The following MED27 variants were observed in gnomAD, a reference collection of about 807,000 sequenced individuals.
MED27 encodes mediator of RNA polymerase II transcription subunit 27.
Under a neutral mutation model 38.2 loss-of-function variants are expected in MED27, and 30 were observed. The ratio of observed to expected loss-of-function variants is 0.79; its 90% CI spans 0.59 to 1.07. The LOEUF (loss-of-function observed/expected upper bound fraction) is 1.07, where lower values mean the gene tolerates loss of function less well. Ranked by LOEUF, MED27 falls within the 50% of genes least tolerant of loss-of-function variation. MED27 has a pLI of 0.00. For missense variants in MED27, 289 were observed against 397.5 expected, an observed-to-expected ratio of 0.73 and a Z score of 2.32; for synonymous variants, 122 against 153.5, an observed-to-expected ratio of 0.79 and a Z score of 1.52.
At chr9:132,053,316 G>A (rs1359859075) in intron 2 of MED27, among the ~76,000 whole-genome samples, 2 of 151,962 alleles carry the variant, frequency 1.3e-5, no homozygotes, top group Admixed American at 1.3e-4. Flanking sequence ...GCTGGCTGCT[G>A]AGAAAACATG....
intron 3 of MED27, among the ~76,000 whole-genome samples, chr9:132,011,380 T>A (rs1034833839): frequency 2.0e-5 from 3 of 152,208 alleles, no homozygotes; most frequent in Non-Finnish European, 2.9e-5. Context: ...AAATCTACAT[T>A]ATGTATATAC....
intron 3 of MED27, among the ~76,000 whole-genome samples, chr9:131,994,769 C>T (rs568808441): frequency 1.1e-4 from 16 of 152,208 alleles, no homozygotes; most frequent in Non-Finnish European, 2.2e-4. Flanking sequence ...GGCAAGTTCT[C>T]TTGCCCTTTG....
chr9:131,875,192 G>A (rs192008245), intron 6 of MED27, among the ~76,000 whole-genome samples: 2 of 152,328 alleles, frequency 1.3e-5, no homozygotes, highest in East Asian at 3.9e-4. Flanking sequence ...CCTGGACCCA[G>A]GATCCTGCCT....
At chr9:132,069,100 T>C (rs905323531) in intron 2 of MED27, among the ~76,000 whole-genome samples, 9 of 152,196 alleles carry the variant, frequency 5.9e-5, no homozygotes, top group African/African-American at 2.2e-4. Context: ...ATGCCCTTCA[T>C]AGGCTCTGGT....
At chr9:132,076,920 G>A (rs1323156923) in intron 2 of MED27, among the ~76,000 whole-genome samples, 2 of 152,182 alleles carry the variant, frequency 1.3e-5, no homozygotes, top group Non-Finnish European at 2.9e-5. Flanking sequence ...AAACTCTACA[G>A]AGCATGTTAA....
rs984136781 is a variant in MED27, at chr9:131,951,321, A to G, written c.480-11847T>C. On this transcript the variant is annotated intron_variant, in intron 3 of 7. Coordinates refer to ENST00000292035, the MANE Select transcript of MED27 (RefSeq NM_004269.4). Reference sequence around the variant, plus strand: ...TCTATCTCACACATGTGGGGGAATGACTGTTTATTTGTTTACCTTGCCCAC... The same window carrying G: ...TCTATCTCACACATGTGGGGGAATGGCTGTTTATTTGTTTACCTTGCCCAC... Among the ~76,000 whole-genome samples the G allele has an allele frequency of 2.6e-5, 4 of 152,166 alleles. No individual in the cohort carries two copies. In the East Asian group the frequency reaches 7.7e-4, roughly 29 times the overall value.
At chr9:131,947,947 C>T (rs575079634) in intron 3 of MED27, among the ~76,000 whole-genome samples, 63 of 152,334 alleles carry the variant, frequency 4.1e-4, no homozygotes, top group African/African-American at 1.4e-3. Flanking sequence ...AGATTTTCCT[C>T]TACACCTGTC....
chr9:131,910,189 T>C lies in MED27; in HGVS notation c.574-16197A>G, dbSNP rs191339523. On this transcript the variant is annotated intron_variant, in intron 4 of 7. Coordinates refer to ENST00000292035, the MANE Select transcript of MED27 (RefSeq NM_004269.4). The stretch of plus-strand genomic sequence containing the variant: ...ACTTCCTTCTCAGATTTACCACCTC[T>C]ACCCCTATATTTTACTCCTGATTAA... Among the ~76,000 whole-genome samples the C allele has an allele frequency of 3.3e-5, 5 of 152,356 alleles. No homozygotes were observed. In the East Asian group the frequency reaches 7.7e-4, roughly 23 times the overall value.
chr9:131,893,361 G>A (rs1265206232), intron 5 of MED27, among the ~76,000 whole-genome samples: 1 of 152,190 alleles, frequency 6.6e-6, no homozygotes, highest in Non-Finnish European at 1.5e-5. Flanking sequence ...GGGTTCACAA[G>A]GGTGAACTTT....
chr9:132,047,445 C>CAA (rs972795702), intron 2 of MED27, among the ~76,000 whole-genome samples: 3 of 144,078 alleles, frequency 2.1e-5, no homozygotes, highest in African/African-American at 7.7e-5. Flanking sequence ...GTTTTAGACA[C>CAA]ACACACACAC....
chr9:132,043,376 T>C (rs766977597), intron 2 of MED27, among the ~76,000 whole-genome samples: 12 of 149,552 alleles, frequency 8.0e-5, no homozygotes, highest in Admixed American at 4.0e-4. Flanking sequence ...CAAAATTCAG[T>C]TAGGTGGGGT....
intron 3 of MED27, among the ~76,000 whole-genome samples, chr9:131,969,729 C>T (rs1831434331): frequency 6.6e-6 from 1 of 152,074 alleles, no homozygotes; most frequent in African/African-American, 2.4e-5. Flanking sequence ...GAGAGGGCAG[C>T]GCATGAGAGT....
chr9:131,881,912 C>G (rs376587777), intron 6 of MED27, among the ~76,000 whole-genome samples: 1 of 151,174 alleles, frequency 6.6e-6, no homozygotes, highest in Admixed American at 6.6e-5. Context: ...CCCGCCACCA[C>G]GCCTGGCTGA....
At chr9:132,031,500 G>A (rs1832959518) in intron 2 of MED27, among the ~76,000 whole-genome samples, 2 of 152,256 alleles carry the variant, frequency 1.3e-5, no homozygotes, top group South Asian at 4.2e-4. Context: ...AAGTATCCAA[G>A]GAAAGAGCTA....
chr9:131,950,322 C>T (rs1019488434), intron 3 of MED27, among the ~76,000 whole-genome samples: 2 of 152,166 alleles, frequency 1.3e-5, no homozygotes, highest in Non-Finnish European at 2.9e-5. Context: ...AGCAAAGCAA[C>T]CTGTGGGCGG....
chr9:131,940,529 C>G (rs1006007457), intron 3 of MED27, among the ~76,000 whole-genome samples: 1 of 152,120 alleles, frequency 6.6e-6, no homozygotes, highest in Non-Finnish European at 1.5e-5. Context: ...GATTCTCATG[C>G]CTCAGCCTCC....
intron 2 of MED27, among the ~76,000 whole-genome samples, chr9:132,026,307 T>G (rs1434065404): frequency 6.6e-6 from 1 of 152,228 alleles, no homozygotes; most frequent in Non-Finnish European, 1.5e-5. Context: ...ACACCTCATG[T>G]GTCCTTTTGG....
chr9:131,984,639 TGAG>T (rs2131032492), intron 3 of MED27, among the ~76,000 whole-genome samples: 1 of 152,308 alleles, frequency 6.6e-6, no homozygotes, highest in South Asian at 2.1e-4. Context: ...AAGGTCCCTC[TGAG>T]GAGGTGTCAT....
intron 4 of MED27, 109 bp from the exon 5 acceptor site, chr9:131,894,101 G>A (rs1829783513): frequency 2.7e-6 from 2 of 744,916 alleles, no homozygotes; most frequent in South Asian, 3.0e-5. Context: ...TGGATTCATG[G>A]TGCTGGCCCT....
Sources: allele counts gnomAD v4.1 joint callset (sites outside exome capture counted in the v4.1 genomes callset), GRCh38; gene constraint gnomAD v4.1.1; transcripts MANE v1.5; gene names NCBI Gene and HGNC (gene_info 2026-07-23, HGNC 2026-07-21).